The following ZDHHC23 variants were observed in gnomAD, a reference collection of about 807,000 sequenced individuals.
The protein encoded by ZDHHC23 is palmitoyltransferase ZDHHC23.
ZDHHC23 carries 41 observed loss-of-function variants against 40.2 expected under a neutral mutation model. That is an observed-to-expected ratio of 1.02 (90% CI 0.79 to 1.32). ZDHHC23 has a LOEUF of 1.32. Ranked by LOEUF, ZDHHC23 falls within the 40% of genes most tolerant of loss-of-function variation. The pLI, the probability that ZDHHC23 is intolerant of heterozygous loss-of-function variation, is 0.00. For missense variants in ZDHHC23, 471 were observed against 541.5 expected (o/e 0.87, Z 1.29); for synonymous variants, 204 against 210.2 (o/e 0.97, Z 0.26).
downstream of ZDHHC23, chr3:113,965,259 C>A: frequency 6.2e-7 from 1 of 1,611,512 alleles, no homozygotes; most frequent in Non-Finnish European, 8.5e-7. Context: ...ATTTCAACTA[C>A]CTTCCTACGA....
At chr3:113,974,144 A>C in the ZDHHC23 span, among the ~76,000 whole-genome samples, 1 of 151,748 alleles carries the variant, frequency 6.6e-6, no homozygotes, top group Non-Finnish European at 1.5e-5. Context: ...ATCTTTGTTA[A>C]ATTTATCTGA....
chr3:113,951,367 C>T (rs768914036), intron 2 of ZDHHC23, among the ~76,000 whole-genome samples: 2 of 152,176 alleles, frequency 1.3e-5, no homozygotes, highest in Non-Finnish European at 2.9e-5. Flanking sequence ...GCAGCCAGGC[C>T]TCTACAGCTC....
chr3:113,971,979 A>G, the ZDHHC23 span, among the ~76,000 whole-genome samples: 2 of 152,080 alleles, frequency 1.3e-5, no homozygotes, highest in African/African-American at 4.8e-5. Flanking sequence ...GGTGTTCATA[A>G]TAGTCTCTAG....
the ZDHHC23 span, chr3:113,978,073 T>C: frequency 8.3e-7 from 1 of 1,207,244 alleles, no homozygotes; most frequent in South Asian, 1.4e-5. Context: ...GACTGGTGTT[T>C]CCCCGCTCTC....
the ZDHHC23 span, among the ~76,000 whole-genome samples, chr3:113,974,411 C>G: frequency 6.6e-6 from 1 of 151,968 alleles, no homozygotes; most frequent in Admixed American, 6.5e-5. Context: ...CCTCCACCTC[C>G]CAGGTTCAAG....
In ZDHHC23 at chr3:113,960,864, A is replaced by G; in HGVS notation, c.*2234A>G. The G allele has an allele frequency of 7.9e-6, 11 of 1,394,642 alleles. No individual in the cohort carries two copies. The highest frequency in any genetic ancestry group is 9.5e-6 in the Non-Finnish European group (10 of 1,056,018). The allele number at this position is 1,394,642 out of a possible 1,614,324, so 86.4% of individuals were successfully genotyped here. ...AGTTGACAGAATGCTTAAACCTGTC[A>G]AAAGATGAGTGATCTTGTGTGGGAA... On this transcript the variant is annotated 3_prime_UTR_variant, in exon 5 of 5. Transcript: ENST00000638807.
intron 2 of ZDHHC23, among the ~76,000 whole-genome samples, 192 bp from the exon 3 acceptor site, chr3:113,953,508 T>C (rs1338933766): frequency 6.6e-6 from 1 of 152,200 alleles, no homozygotes; most frequent in African/African-American, 2.4e-5. Context: ...GACTTTAAGT[T>C]TTTAAACATC....
chr3:113,978,842 T>G, the ZDHHC23 span: 1 of 1,609,244 alleles, frequency 6.2e-7, no homozygotes, highest in Non-Finnish European at 8.5e-7. Context: ...TAAGGTACCC[T>G]TCCCTATGTC....
intron 3 of ZDHHC23, among the ~76,000 whole-genome samples, chr3:113,955,237 G>C (rs1307856552): frequency 6.6e-6 from 1 of 152,202 alleles, no homozygotes. Flanking sequence ...AGGCTGAGAG[G>C]CATTGGCGTG....
Position 113,960,433 on chromosome 3 carries a change from A to G in ZDHHC23, c.*1803A>G. Reference sequence around the variant, plus strand: ...GATTTGATATAACAAATTTCTTTCTATACAGGTTTTACATAAGAGAGACAG... The same window carrying G: ...GATTTGATATAACAAATTTCTTTCTGTACAGGTTTTACATAAGAGAGACAG... On this transcript the variant is annotated 3_prime_UTR_variant, in exon 5 of 5. Coordinates refer to ENST00000638807, the MANE Select transcript of ZDHHC23 (RefSeq NM_001320466.2). 3 of 1,318,676 alleles carry G rather than the reference A, an allele frequency of 2.3e-6. No homozygotes were observed. The highest frequency in any genetic ancestry group is 2.9e-6 in the Non-Finnish European group (3 of 1,038,822). 81.7% of individuals were successfully genotyped at this position (1,318,676 alleles called of 1,614,324 possible).
chr3:113,974,976 G>T, the ZDHHC23 span, among the ~76,000 whole-genome samples: 1 of 152,170 alleles, frequency 6.6e-6, no homozygotes, highest in Non-Finnish European at 1.5e-5. Context: ...ATAATTACAT[G>T]TGGGTGTATT....
At chr3:113,954,802 G>C (rs1369753763) in intron 3 of ZDHHC23, among the ~76,000 whole-genome samples, 3 of 152,134 alleles carry the variant, frequency 2.0e-5, no homozygotes, top group Non-Finnish European at 4.4e-5. Flanking sequence ...TCAAGAAAGT[G>C]TACCCCTATT....
downstream of ZDHHC23, among the ~76,000 whole-genome samples, chr3:113,963,812 C>G (rs1193378941): frequency 2.6e-5 from 4 of 151,982 alleles, no homozygotes; most frequent in Admixed American, 2.6e-4. Flanking sequence ...TAATATCAGC[C>G]AGTATTTTGT....
downstream of ZDHHC23, chr3:113,965,370 AAAG>A: frequency 6.6e-7 from 1 of 1,526,382 alleles, no homozygotes; most frequent in Non-Finnish European, 8.8e-7. Context: ...CTTTAAGAAT[AAAG>A]AAGGAAAAAA....
chr3:113,975,187 T>G, the ZDHHC23 span, among the ~76,000 whole-genome samples: 1 of 152,220 alleles, frequency 6.6e-6, no homozygotes, highest in African/African-American at 2.4e-5. Flanking sequence ...AGACATATTA[T>G]AAATACTGAT....
intron 3 of ZDHHC23, among the ~76,000 whole-genome samples, chr3:113,955,156 G>A (rs927615686): frequency 1.3e-5 from 2 of 152,174 alleles, no homozygotes; most frequent in African/African-American, 2.4e-5. Flanking sequence ...TGCTTTTCGT[G>A]TCTAGGATTC....
chr3:113,957,312 C>T (rs2107499448), intron 4 of ZDHHC23, among the ~76,000 whole-genome samples: 1 of 152,234 alleles, frequency 6.6e-6, no homozygotes, highest in East Asian at 1.9e-4. Flanking sequence ...ACAAAGTATC[C>T]CTTTGTGGCA....
At chr3:113,972,960 G>T in the ZDHHC23 span, among the ~76,000 whole-genome samples, 1 of 152,016 alleles carries the variant, frequency 6.6e-6, no homozygotes, top group Non-Finnish European at 1.5e-5. Context: ...AGGTGAAGTA[G>T]GTGTCTTATA....
chr3:113,964,108 C>G (rs986470362), downstream of ZDHHC23: 2 of 151,876 alleles, frequency 1.3e-5, no homozygotes, highest in African/African-American at 4.8e-5. Flanking sequence ...GATATCCTTT[C>G]TAGGAAGTAT....
Sources: allele counts gnomAD v4.1 joint callset (sites outside exome capture counted in the v4.1 genomes callset), GRCh38; gene constraint gnomAD v4.1.1; transcripts MANE v1.5; gene names NCBI Gene and HGNC (gene_info 2026-07-23, HGNC 2026-07-21).